The following MTUS2 variants were observed in gnomAD, a reference collection of about 807,000 sequenced individuals.
MTUS2 encodes microtubule-associated tumor suppressor candidate 2.
Under a neutral mutation model 114.1 loss-of-function variants are expected in MTUS2, and 40 were observed. The ratio of observed to expected loss-of-function variants is 0.35; its 90% CI spans 0.27 to 0.46. The LOEUF is 0.46. Ranked by LOEUF, MTUS2 falls within the 20% of genes least tolerant of loss-of-function variation. MTUS2 has a pLI of 1.00. For missense variants in MTUS2, 1,679 were observed against 1,705.4 expected (o/e 0.98, Z 0.27); for synonymous variants, 688 against 672.0 (o/e 1.02, Z -0.37).
chr13:29,373,614 T>C (rs1871358337), intron 8 of MTUS2, among the ~76,000 whole-genome samples: 2 of 152,172 alleles, frequency 1.3e-5, no homozygotes, highest in African/African-American at 4.8e-5. Context: ...AGACTGGCCA[T>C]TGTGGGAGGC....
intron 5 of MTUS2, among the ~76,000 whole-genome samples, chr13:29,269,865 T>C (rs975058229): frequency 3.3e-5 from 5 of 152,178 alleles, no homozygotes; most frequent in African/African-American, 9.7e-5. Context: ...CAGAATACCA[T>C]AGGGCCTTTG....
chr13:28,864,017 T>C (rs1877147482), intron 2 of MTUS2, among the ~76,000 whole-genome samples: 2 of 152,178 alleles, frequency 1.3e-5, no homozygotes, highest in Non-Finnish European at 1.5e-5. Flanking sequence ...TTAATATAAG[T>C]TGATTTTCAG....
intron 2 of MTUS2, among the ~76,000 whole-genome samples, chr13:28,923,742 G>C (rs1881174714): frequency 6.6e-6 from 1 of 152,186 alleles, no homozygotes. Context: ...GAACATAGCA[G>C]CTTCCCAACC....
At chr13:29,278,985 A>G (rs1593254631) in intron 5 of MTUS2, among the ~76,000 whole-genome samples, 1 of 152,300 alleles carries the variant, frequency 6.6e-6, no homozygotes, top group Middle Eastern at 3.4e-3. Flanking sequence ...TTGTTGTAAT[A>G]ACTTAGCCCT....
chr13:29,346,994 C>G (rs1868761575), intron 7 of MTUS2, among the ~76,000 whole-genome samples: 1 of 151,636 alleles, frequency 6.6e-6, no homozygotes, highest in South Asian at 2.1e-4. Flanking sequence ...ACACTTTAGA[C>G]ACTCATAGTT....
At chr13:28,999,995 A>G (rs1260551582) in intron 2 of MTUS2, among the ~76,000 whole-genome samples, 1 of 152,170 alleles carries the variant, frequency 6.6e-6, no homozygotes, top group African/African-American at 2.4e-5. Context: ...GTGTATATCT[A>G]CCACATTTTC....
rs1430295367 is a variant in MTUS2 at position 29,457,994 on chromosome 13, C to T, written c.3184+17945C>T. Among the ~76,000 whole-genome samples the T allele has an allele frequency of 3.3e-5, 5 of 152,214 alleles. No homozygotes were observed. The East Asian group carries it at 7.7e-4, about 23-fold the overall frequency. ...GTCTTGATCTCCTGACCTCATGATCCGCCTGCCTCGGCCTCCCAAAGTGCT... is the reference window on the plus strand; with the variant it reads ...GTCTTGATCTCCTGACCTCATGATCTGCCTGCCTCGGCCTCCCAAAGTGCT... On this transcript the variant is annotated intron_variant, in intron 9 of 15. Coordinates refer to ENST00000612955, the MANE Select transcript of MTUS2 (RefSeq NM_001033602.4).
At chr13:29,398,049 A>C (rs1400590440) in intron 8 of MTUS2, among the ~76,000 whole-genome samples, 1 of 152,172 alleles carries the variant, frequency 6.6e-6, no homozygotes, top group Non-Finnish European at 1.5e-5. Flanking sequence ...TAGAGCAAAA[A>C]CCATCTGTTT....
At chr13:28,905,635 G>T (rs1285019598) in intron 2 of MTUS2, among the ~76,000 whole-genome samples, 2 of 151,532 alleles carry the variant, frequency 1.3e-5, no homozygotes, top group Non-Finnish European at 2.9e-5. Flanking sequence ...GCTTTTTGAT[G>T]TGCTGCTGGA....
chr13:29,491,848 T>G (rs1228666723), intron 11 of MTUS2, among the ~76,000 whole-genome samples: 1 of 146,890 alleles, frequency 6.8e-6, no homozygotes, highest in Non-Finnish European at 1.5e-5. Flanking sequence ...TGTGTGTGTG[T>G]GGCATGTGCC....
intron 2 of MTUS2, among the ~76,000 whole-genome samples, chr13:28,945,194 T>TATATATATATACACAC (rs1555276495): frequency 1.3e-5 from 2 of 151,112 alleles, no homozygotes; most frequent in African/African-American, 4.9e-5. Flanking sequence ...TATATATATA[T>TATATATATATACACAC]ACACCACATT....
chr13:29,253,071 T>C (rs1171472137), intron 5 of MTUS2, among the ~76,000 whole-genome samples: 1 of 128,182 alleles, frequency 7.8e-6, no homozygotes, highest in Non-Finnish European at 1.6e-5. Flanking sequence ...TCATTTTACA[T>C]TTTTGGCCTT....
At chr13:28,970,738 TC>T (rs895362001) in intron 2 of MTUS2, among the ~76,000 whole-genome samples, 1 of 151,978 alleles carries the variant, frequency 6.6e-6, no homozygotes, top group Non-Finnish European at 1.5e-5. Flanking sequence ...TTCCCCTCCA[TC>T]CCCCTCCATC....
At chr13:28,855,407 C>T (rs767080783) in intron 2 of MTUS2, among the ~76,000 whole-genome samples, 5 of 152,174 alleles carry the variant, frequency 3.3e-5, no homozygotes, top group South Asian at 2.1e-4. Context: ...TTTATCCTGA[C>T]GCTCTCCCTC....
chr13:29,439,902 A>G (rs749546433), intron 8 of MTUS2, 81 bp from the exon 9 acceptor site: 1 of 1,069,874 alleles, frequency 9.3e-7, no homozygotes, highest in Non-Finnish European at 1.4e-6. Flanking sequence ...TTTGCTTAAT[A>G]CGATTCATTA....
At chr13:29,295,295 G>A (rs1305427508) in intron 6 of MTUS2, among the ~76,000 whole-genome samples, 2 of 151,990 alleles carry the variant, frequency 1.3e-5, no homozygotes, top group Non-Finnish European at 2.9e-5. Context: ...CAATCTTCTA[G>A]CTATTTGAGA....
At chr13:29,312,216 A>G (rs1899801790) in intron 6 of MTUS2, among the ~76,000 whole-genome samples, 1 of 152,216 alleles carries the variant, frequency 6.6e-6, no homozygotes, top group South Asian at 2.1e-4. Flanking sequence ...GCTTGCTACA[A>G]TATCTTGTCA....
chr13:29,413,063 G>A (rs1215224545), intron 8 of MTUS2, among the ~76,000 whole-genome samples: 2 of 152,014 alleles, frequency 1.3e-5, no homozygotes, highest in African/African-American at 4.8e-5. Context: ...TAATTACATG[G>A]GGCCCTCTTT....
Position 29,132,152 on chromosome 13 carries a change from A to G in MTUS2, c.2644+31182A>G, listed in dbSNP as rs558425317. Among the ~76,000 whole-genome samples the G allele has an allele frequency of 9.8e-5, 15 of 152,340 alleles. 1 individual carries two copies. The South Asian group carries it at 1.5e-3, about 15-fold the overall frequency. On this transcript the variant is annotated intron_variant, in intron 5 of 15. Transcript: ENST00000612955. The stretch of plus-strand genomic sequence containing the variant: ...CTGTGTGAGTGCATGTGCATGGTGT[A>G]TATACACATACATATACTTTTCTTT...
Sources: allele counts gnomAD v4.1 joint callset (sites outside exome capture counted in the v4.1 genomes callset), GRCh38; gene constraint gnomAD v4.1.1; transcripts MANE v1.5; gene names NCBI Gene and HGNC (gene_info 2026-07-23, HGNC 2026-07-21).